Variants in DNAAF4 observed in about 807,000 individuals in gnomAD.
DNAAF4 encodes dynein assembly factor 4, axonemal.
In DNAAF4, 43 loss-of-function variants were observed where a neutral mutation model predicts 51.8. The observed-to-expected ratio is 0.83, with a 90% CI of 0.65 to 1.07. The LOEUF is 1.07. Among genes scored for constraint, DNAAF4 ranks in the 50% least tolerant of loss-of-function variants. DNAAF4 has a pLI of 0.00. For missense variants in DNAAF4, 581 were observed against 493.0 expected, an observed-to-expected ratio of 1.18 and a Z score of -1.69; for synonymous variants, 194 against 165.6, an observed-to-expected ratio of 1.17 and a Z score of -1.32.
At chr15:55,446,963 G>A (rs2057837954) in intron 6 of DNAAF4, among the ~76,000 whole-genome samples, 1 of 146,016 alleles carries the variant, frequency 6.8e-6, no homozygotes. Context: ...GGGCGGCCGG[G>A]CAGAGGCGCT....
chr15:55,426,362 G>A (rs1405789679), downstream of DNAAF4, among the ~76,000 whole-genome samples: 1 of 152,196 alleles, frequency 6.6e-6, no homozygotes. Context: ...CCCCAGGCAG[G>A]AAGGAAAAGG....
chr15:55,454,215 T>C (rs910704705), intron 5 of DNAAF4, among the ~76,000 whole-genome samples: 2 of 151,508 alleles, frequency 1.3e-5, no homozygotes, highest in Non-Finnish European at 2.9e-5. Flanking sequence ...GCAGGGGAAT[T>C]GCTTGAACCC....
intron 8 of DNAAF4, among the ~76,000 whole-genome samples, chr15:55,433,585 C>T (rs1181228697): frequency 1.4e-5 from 2 of 143,916 alleles, no homozygotes; most frequent in East Asian, 2.0e-4. Context: ...GAAATTGTGC[C>T]CCTGTACTCC....
chr15:55,494,254 C>T lies in DNAAF4; in HGVS notation c.272-2998G>A, dbSNP rs558880222. Among the ~76,000 whole-genome samples, 8 of 152,170 alleles carry T rather than the reference C, an allele frequency of 5.3e-5. No homozygotes were observed. The South Asian group carries it at 1.7e-3, about 32-fold the overall frequency. Reference sequence around the variant, plus strand: ...ATGTTGGTTAGGCTGGTCTCGGACTCCCAACCTCAGATGATCAGCCCGCCT... The same window carrying T: ...ATGTTGGTTAGGCTGGTCTCGGACTTCCAACCTCAGATGATCAGCCCGCCT... On this transcript the variant is annotated intron_variant, in intron 3 of 9. Coordinates refer to ENST00000321149, the MANE Select transcript of DNAAF4 (RefSeq NM_130810.4).
intron 4 of DNAAF4, among the ~76,000 whole-genome samples, chr15:55,471,566 T>G (rs1418531127): frequency 6.6e-6 from 1 of 151,258 alleles, no homozygotes; most frequent in East Asian, 1.9e-4. Context: ...CAGGCTGGAG[T>G]GCAGCGGCAC....
At chr15:55,448,294 G>A (rs1051121278) in intron 6 of DNAAF4, among the ~76,000 whole-genome samples, 3 of 152,030 alleles carry the variant, frequency 2.0e-5, no homozygotes, top group Non-Finnish European at 2.9e-5. Flanking sequence ...TTTTTGATGT[G>A]CTGCTGCATT....
intron 5 of DNAAF4, among the ~76,000 whole-genome samples, chr15:55,456,584 G>C (rs1567015089): frequency 6.6e-6 from 1 of 152,076 alleles, no homozygotes; most frequent in East Asian, 1.9e-4. Context: ...ATCACTTCAG[G>C]AACACCGCAA....
chr15:55,497,478 T>A (rs1195031055), intron 3 of DNAAF4, among the ~76,000 whole-genome samples: 1 of 151,932 alleles, frequency 6.6e-6, no homozygotes, highest in African/African-American at 2.4e-5. Context: ...CGGACACCTA[T>A]AATCCCAGCT....
At chr15:55,447,660 C>A (rs1223967954) in intron 6 of DNAAF4, among the ~76,000 whole-genome samples, 1 of 149,590 alleles carries the variant, frequency 6.7e-6, no homozygotes, top group Non-Finnish European at 1.5e-5. Context: ...TGCCTGCAAT[C>A]CCAAGCAGTC....
rs1255716264 is a variant in DNAAF4, at chr15:55,435,053, A to G, written c.899T>C (p.Leu300Ser). ...TGCCAAATAGTTTTCCGTTGCAAACAATTTGCTAATGAGACAAAAACAGAG... is the reference window on the plus strand; with the variant it reads ...TGCCAAATAGTTTTCCGTTGCAAACGATTTGCTAATGAGACAAAAACAGAG... Reference protein sequence around the residue: ...PEWLKDKGNKLFATENYLAAI... With the variant: ...PEWLKDKGNKSFATENYLAAI... Residue 300 changes from leucine (L) to serine (S), a missense_variant, in exon 8 of 10, where the codon TTG (leucine) becomes TCG (serine). Leu to Ser is a moderately radical substitution (Grantham distance 145). Coordinates refer to ENST00000321149, the MANE Select transcript of DNAAF4 (RefSeq NM_130810.4). 3.2e-6 allele frequency: 5 copies of G among 1,586,784 alleles called. No homozygotes were observed. Among genetic ancestry groups the G allele is most frequent in the Non-Finnish European group, 4.3e-6 (5 of 1,172,152 alleles).
intron 1 of DNAAF4, among the ~76,000 whole-genome samples, chr15:55,503,039 A>T (rs186517006): frequency 6.6e-6 from 1 of 152,304 alleles, no homozygotes; most frequent in East Asian, 1.9e-4. Context: ...AAGACTAATA[A>T]AGAAGAAAAG....
intron 4 of DNAAF4, among the ~76,000 whole-genome samples, chr15:55,487,025 T>C (rs1379085177): frequency 3.9e-5 from 6 of 152,208 alleles, no homozygotes; most frequent in Admixed American, 3.9e-4. Context: ...CAACTAATTT[T>C]ACACTTTTGT....
chr15:55,443,306 G>T, intron 6 of DNAAF4: 2 of 1,328,338 alleles, frequency 1.5e-6, no homozygotes, highest in Non-Finnish European at 2.1e-6. Context: ...ACCGGTGGCG[G>T]CTGGCAAAGG....
chr15:55,418,089 G>A (rs1376324096), exon 8 of DNAAF4: 1 of 1,578,056 alleles, frequency 6.3e-7, no homozygotes. Flanking sequence ...GGCTTAGCTT[G>A]GGCTCAGAGG....
chr15:55,493,488 G>A (rs923649887), intron 3 of DNAAF4, among the ~76,000 whole-genome samples: 2 of 152,188 alleles, frequency 1.3e-5, no homozygotes, highest in South Asian at 2.1e-4. Flanking sequence ...TTCAGCGGCA[G>A]AAATAACTGG....
At chr15:55,480,686 G>C (rs1176025710) in intron 4 of DNAAF4, among the ~76,000 whole-genome samples, 1 of 151,856 alleles carries the variant, frequency 6.6e-6, no homozygotes, top group East Asian at 2.0e-4. Context: ...TGCAGGCGTA[G>C]AAACAGGAAA....
intron 1 of DNAAF4, among the ~76,000 whole-genome samples, chr15:55,503,985 G>A (rs2058713151): frequency 6.6e-6 from 1 of 152,160 alleles, no homozygotes; most frequent in Non-Finnish European, 1.5e-5. Flanking sequence ...AAGTCAAATT[G>A]TCTCTGTTTG....
chr15:55,462,689 T>C lies in DNAAF4; in HGVS notation c.637+4241A>G, dbSNP rs559636998. Among the ~76,000 whole-genome samples the C allele has an allele frequency of 1.3e-4, 19 of 149,322 alleles. No homozygotes were observed. The South Asian group carries it at 3.8e-3, about 30-fold the overall frequency. On this transcript the variant is annotated intron_variant, in intron 5 of 9. Transcript: ENST00000321149. ...TCCCTGATGAACACAGATGTAACAC[T>C]CCTCAACCAAATACTAGCTAACCAA...
chr15:55,496,186 G>A (rs556461850), intron 3 of DNAAF4, among the ~76,000 whole-genome samples: 16 of 152,186 alleles, frequency 1.1e-4, no homozygotes, highest in African/African-American at 1.9e-4. Context: ...AGCCGAGATC[G>A]CATCACTGCA....
Sources: gnomAD v4.1 joint callset for allele counts (sites outside exome capture counted in the v4.1 genomes callset) on GRCh38, gnomAD v4.1.1 for gene constraint, MANE v1.5 for transcripts, NCBI Gene and HGNC (gene_info 2026-07-23, HGNC 2026-07-21) for gene names.